HLCS: variants seen among roughly 807,000 people sequenced by gnomAD.
The protein encoded by HLCS is biotin--protein ligase.
HLCS carries 53 observed loss-of-function variants against 75.0 expected under a neutral mutation model. The ratio of observed to expected loss-of-function variants is 0.71; its 90% confidence interval spans 0.57 to 0.89. The LOEUF is 0.89. Ranked by LOEUF, HLCS falls within the 40% of genes least tolerant of loss-of-function variation. The probability of loss-of-function intolerance (pLI) is 0.00; values close to 1 mark genes in which losing one functional copy is unlikely to be tolerated. For missense variants in HLCS, 966 were observed against 1,074.0 expected (o/e 0.90, Z 1.41); for synonymous variants, 431 against 428.6 (o/e 1.01, Z -0.07).
At chr21:36,843,295 A>G (rs2062678801) in intron 6 of HLCS, among the ~76,000 whole-genome samples, 2 of 152,056 alleles carry the variant, frequency 1.3e-5, no homozygotes, top group African/African-American at 4.8e-5. Flanking sequence ...AAAATTAGCC[A>G]GGTGTGGTGG....
chr21:36,871,181 A>T (rs1006438036), intron 6 of HLCS, among the ~76,000 whole-genome samples: 1 of 152,178 alleles, frequency 6.6e-6, no homozygotes, highest in Non-Finnish European at 1.5e-5. Flanking sequence ...ATGTGCATAC[A>T]AATTTAGATT....
chr21:36,806,779 G>A (rs186232031), intron 6 of HLCS, among the ~76,000 whole-genome samples: 17 of 152,286 alleles, frequency 1.1e-4, no homozygotes, highest in African/African-American at 3.6e-4. Context: ...TAAGCAGCCC[G>A]AGACAACTTA....
upstream of HLCS, chr21:36,966,692 G>A (rs1478479318): frequency 2.2e-6 from 2 of 901,590 alleles, no homozygotes; most frequent in Non-Finnish European, 2.6e-6. Flanking sequence ...CAGCGCCCCA[G>A]GCCCGGCCCC....
At chr21:36,791,661 C>T (rs1252608238) in intron 6 of HLCS, among the ~76,000 whole-genome samples, 1 of 152,014 alleles carries the variant, frequency 6.6e-6, no homozygotes, top group African/African-American at 2.4e-5. Flanking sequence ...GGGAATATGG[C>T]AGACAGGCAG....
upstream of HLCS, among the ~76,000 whole-genome samples, chr21:36,968,110 CTG>C (rs2068682978): frequency 6.6e-6 from 1 of 152,098 alleles, no homozygotes; most frequent in Non-Finnish European, 1.5e-5. Context: ...GCTTCGAACT[CTG>C]AGCTGAAGTG....
intron 1 of HLCS, among the ~76,000 whole-genome samples, chr21:36,973,225 GTCTTT>G (rs1303691332): frequency 3.2e-4 from 33 of 103,796 alleles, no homozygotes; most frequent in Admixed American, 6.0e-4. Flanking sequence ...GAAAGACCCT[GTCTTT>G]TTTTTTTTTT....
intron 6 of HLCS, among the ~76,000 whole-genome samples, chr21:36,854,154 C>G (rs575801286): frequency 6.6e-6 from 1 of 152,076 alleles, no homozygotes; most frequent in African/African-American, 2.4e-5. Context: ...ACTCTTTGAA[C>G]GTCAATATTT....
intron 6 of HLCS, among the ~76,000 whole-genome samples, chr21:36,793,087 T>A (rs1206704312): frequency 1.3e-5 from 2 of 152,162 alleles, no homozygotes; most frequent in Admixed American, 1.3e-4. Flanking sequence ...GCGCTTTTGA[T>A]TCCTGATTAA....
chr21:36,813,110 T>C (rs1313629814), intron 6 of HLCS, among the ~76,000 whole-genome samples: 6 of 152,222 alleles, frequency 3.9e-5, no homozygotes, highest in Admixed American at 6.5e-5. Flanking sequence ...CCCTGTTTTC[T>C]GGCAATATGC....
rs144275383 is a variant in HLCS at position 36,768,524 on chromosome 21, C to T, written c.1893-1239G>A. ...TGGCTCACAGAGCTCCGTCTGACGG[C>T]GCATGCAGGCCTCAGTTGGGACAGA... is the stretch of plus-strand genomic sequence containing the variant. On this transcript the variant is annotated intron_variant, in intron 6 of 10. Transcript: ENST00000674895. Among the ~76,000 whole-genome samples, 5 of 152,314 alleles carry T rather than the reference C, an allele frequency of 3.3e-5. No homozygotes were observed. In the East Asian group the frequency reaches 5.8e-4, roughly 18 times the overall value.
chr21:36,753,998 A>G lies in HLCS; in HGVS notation c.*248T>C, dbSNP rs1601085459. On this transcript the variant is annotated 3_prime_UTR_variant, in exon 11 of 11. Transcript: ENST00000674895. This position sits in a 1 kb window ranked among gnomAD's most constrained non-coding sequence, Gnocchi z 4.3. ...CGTAAGTCCAAGCCACAGAGGGGAGAGCAATTTCCCACCTGTGGGAGGGCT... is the reference window on the plus strand; with the variant it reads ...CGTAAGTCCAAGCCACAGAGGGGAGGGCAATTTCCCACCTGTGGGAGGGCT... 8.9e-6 allele frequency: 5 copies of G among 564,804 alleles called. No individual in the cohort carries two copies. The East Asian group carries it at 1.5e-4, about 17-fold the overall frequency. The allele number at this position is 564,804 out of a possible 1,614,324, so 35.0% of individuals were successfully genotyped here.
intron 6 of HLCS, among the ~76,000 whole-genome samples, chr21:36,854,966 G>C (rs1438195679): frequency 1.3e-5 from 2 of 152,100 alleles, no homozygotes; most frequent in African/African-American, 4.8e-5. Context: ...AGGGGGAGTT[G>C]GGTAAAGTCC....
intron 1 of HLCS, among the ~76,000 whole-genome samples, chr21:36,983,305 G>A (rs2069160741): frequency 6.6e-6 from 1 of 151,798 alleles, no homozygotes; most frequent in South Asian, 2.1e-4. Flanking sequence ...CCGCCTCCTG[G>A]GTTCAAGTGA....
At position 36,820,274 on chromosome 21, in the gene HLCS, G is replaced by A. The variant is rs147603205; in HGVS notation, c.1893-52989C>T. Among the ~76,000 whole-genome samples the A allele has an allele frequency of 7.7e-3, 1,179 of 152,362 alleles. 6 individuals are homozygous for A. The highest frequency in any genetic ancestry group is 0.027 in the African/African-American group (1,111 of 41,584). ...GTTGAGGCTGCACCTCTACAGAGCT[G>A]GCAGGAACTGGGAACAGGTGAGAGC... On this transcript the variant is annotated intron_variant, in intron 6 of 10. Transcript: ENST00000674895.
rs538157231 is a variant in HLCS, at chr21:36,936,736, G to T, written c.1150C>A (p.Leu384Ile). ...CCCAACACCTTCCCTCCCTGAGAAA[G>T]ATAGGCCATGAACTTCTGGTACAGG... ...EDLYQKFMAY[L>I]SQGGKVLGLS... Residue 384 changes from leucine (L) to isoleucine (I), a missense_variant, in exon 4 of 11, where the codon CTT becomes ATT. Physicochemically the swap from Leu to Ile is conservative, Grantham distance 5. Transcript: ENST00000674895. 3 of 1,614,254 alleles carry T rather than the reference G, an allele frequency of 1.9e-6. No individual in the cohort carries two copies. Among genetic ancestry groups the T allele is most frequent in the Non-Finnish European group, 2.5e-6 (3 of 1,180,054 alleles).
intron 1 of HLCS, chr21:36,986,708 A>G (rs767516180): frequency 2.6e-5 from 4 of 152,226 alleles, no homozygotes; most frequent in Non-Finnish European, 4.4e-5. Flanking sequence ...ATGAGCCACT[A>G]TACCCGGCCT....
At chr21:36,916,657 C>T (rs1389757680) in intron 5 of HLCS, among the ~76,000 whole-genome samples, 1 of 151,744 alleles carries the variant, frequency 6.6e-6, no homozygotes, top group African/African-American at 2.4e-5. Flanking sequence ...CGGGCATGAG[C>T]CGCTGCACCT....
intron 6 of HLCS, among the ~76,000 whole-genome samples, chr21:36,795,529 T>C (rs563375474): frequency 6.6e-6 from 1 of 152,378 alleles, no homozygotes; most frequent in South Asian, 2.1e-4. Flanking sequence ...GGTAGTCATT[T>C]TATAAACATT....
chr21:36,778,896 G>T (rs1294267043), intron 6 of HLCS, among the ~76,000 whole-genome samples: 1 of 152,110 alleles, frequency 6.6e-6, no homozygotes, highest in African/African-American at 2.4e-5. Flanking sequence ...CTACTTTCAG[G>T]CATAAGAGGT....
Sources: gnomAD v4.1 joint callset for allele counts (sites outside exome capture counted in the v4.1 genomes callset) on GRCh38, gnomAD v4.1.1 for gene constraint, Gnocchi (gnomAD v3.1) non-coding constraint, MANE v1.5 for transcripts, NCBI Gene and HGNC (gene_info 2026-07-23, HGNC 2026-07-21) for gene names.